Variants in CUL1 observed in about 807,000 individuals in gnomAD.
The protein encoded by CUL1 is cullin-1.
A neutral mutation model predicts 118.0 loss-of-function variants in CUL1; 24 were observed. The observed-to-expected ratio is 0.20, with a 90% CI of 0.15 to 0.29. The LOEUF (loss-of-function observed/expected upper bound fraction) is 0.29. Among genes scored for constraint, CUL1 ranks in the 10% least tolerant of loss-of-function variants. CUL1 has a pLI of 1.00. For synonymous variants in CUL1, 332 were observed against 340.4 expected (o/e 0.98, Z 0.27); for missense variants, 361 against 933.8 (o/e 0.39, Z 7.99).
rs1353798424 is a variant in CUL1, at chr7:148,781,994, G to A, written c.1084-1789G>A. Among the ~76,000 whole-genome samples, 18 of 152,302 alleles carry A rather than the reference G, an allele frequency of 1.2e-4. No homozygotes were observed. The East Asian group carries it at 2.5e-3, about 21-fold the overall frequency. On this transcript the variant is annotated intron_variant, in intron 9 of 21. Coordinates refer to ENST00000325222, the MANE Select transcript of CUL1 (RefSeq NM_003592.3). ...GTGACACGCAGTTCTTTGTAGGGCCGTTAACTTGTTAAGGATCCTGCATGT... is the reference window on the plus strand; with the variant it reads ...GTGACACGCAGTTCTTTGTAGGGCCATTAACTTGTTAAGGATCCTGCATGT...
At chr7:148,758,393 C>T (rs974501513) in intron 4 of CUL1, among the ~76,000 whole-genome samples, 7 of 152,166 alleles carry the variant, frequency 4.6e-5, no homozygotes, top group African/African-American at 1.4e-4. Context: ...TGCAGTGGCT[C>T]ATGCTTGTAA....
chr7:148,701,436 A>C (rs1797718829), intron 1 of CUL1, among the ~76,000 whole-genome samples: 1 of 152,198 alleles, frequency 6.6e-6, no homozygotes, highest in Admixed American at 6.5e-5. Context: ...GAAAGTGCCA[A>C]GAAAACAGGT....
chr7:148,724,358 C>T (rs1798490970), intron 1 of CUL1, among the ~76,000 whole-genome samples: 1 of 152,178 alleles, frequency 6.6e-6, no homozygotes, highest in African/African-American at 2.4e-5. Flanking sequence ...TGCTTTTCTT[C>T]TGTTAGACCT....
At chr7:148,736,340 C>G (rs1242689565) in intron 2 of CUL1, among the ~76,000 whole-genome samples, 1 of 152,166 alleles carries the variant, frequency 6.6e-6, no homozygotes, top group Non-Finnish European at 1.5e-5. Flanking sequence ...GCCCTTTCAC[C>G]TAGGCTGGAG....
chr7:148,722,601 C>T (rs1798432026), intron 1 of CUL1, among the ~76,000 whole-genome samples: 1 of 152,248 alleles, frequency 6.6e-6, no homozygotes, highest in African/African-American at 2.4e-5. Context: ...TTCCTCTCTG[C>T]ACTAGCCATT....
intron 2 of CUL1, among the ~76,000 whole-genome samples, chr7:148,738,122 A>G (rs1799019647): frequency 6.6e-6 from 1 of 152,224 alleles, no homozygotes; most frequent in Admixed American, 6.5e-5. Context: ...TCAAGAATTG[A>G]TTCCCCAGGT....
chr7:148,798,186 G>A (rs1226734542), intron 19 of CUL1, among the ~76,000 whole-genome samples, 167 bp downstream of exon 19: 1 of 152,128 alleles, frequency 6.6e-6, no homozygotes, highest in East Asian at 1.9e-4. Flanking sequence ...CATTCAGCGA[G>A]CCTGATGTTT....
At chr7:148,719,804 T>C (rs991160149) in intron 1 of CUL1, among the ~76,000 whole-genome samples, 3 of 152,224 alleles carry the variant, frequency 2.0e-5, no homozygotes, top group East Asian at 3.8e-4. Context: ...TACGTATTCA[T>C]ATCATGAAGC....
intron 1 of CUL1, among the ~76,000 whole-genome samples, chr7:148,725,219 G>GCGCACGCACACACACACACACA: frequency 2.1e-5 from 3 of 140,060 alleles, no homozygotes; most frequent in African/African-American, 8.5e-5. Flanking sequence ...ACACGCGCGC[G>GCGCACGCACACACACACACACA]CTCACACACA....
chr7:148,768,356 A>G (rs915472861), intron 9 of CUL1, among the ~76,000 whole-genome samples: 8 of 149,588 alleles, frequency 5.3e-5, no homozygotes, highest in South Asian at 2.1e-4. Flanking sequence ...TGTAACTGGG[A>G]GAACAATAGA....
At chr7:148,710,547 C>T (rs1339369508) in intron 1 of CUL1, among the ~76,000 whole-genome samples, 2 of 152,134 alleles carry the variant, frequency 1.3e-5, no homozygotes, top group Non-Finnish European at 2.9e-5. Context: ...CCAGCCTGGG[C>T]GGACAGAGCG....
At chr7:148,732,594 C>T (rs970040696) in intron 2 of CUL1, among the ~76,000 whole-genome samples, 2 of 152,006 alleles carry the variant, frequency 1.3e-5, no homozygotes, top group African/African-American at 4.8e-5. Context: ...CCTGGCTTGG[C>T]CTTCCAAAGG....
chr7:148,761,976 T>A (rs1270912145), intron 7 of CUL1, among the ~76,000 whole-genome samples: 1 of 152,122 alleles, frequency 6.6e-6, no homozygotes, highest in Non-Finnish European at 1.5e-5. Context: ...TCTAATGCCG[T>A]CCCTGATCTG....
chr7:148,733,056 A>C (rs243511), intron 2 of CUL1, among the ~76,000 whole-genome samples: 47,623 of 152,012 alleles, frequency 0.31, 8,189 homozygotes, highest in South Asian at 0.47. Context: ...CTCTGTGGAT[A>C]AGCTCCAGGA....
intron 9 of CUL1, among the ~76,000 whole-genome samples, chr7:148,777,790 G>T (rs569343619): frequency 6.6e-6 from 1 of 151,836 alleles, no homozygotes; most frequent in South Asian, 2.1e-4. Flanking sequence ...TGAAGGTCAG[G>T]CACGGTGGGT....
chr7:148,776,307 CTTTTTTTTTTTT>C (rs746777462), intron 9 of CUL1, among the ~76,000 whole-genome samples: 4 of 40,692 alleles, frequency 9.8e-5, no homozygotes, highest in African/African-American at 3.4e-4. Flanking sequence ...CATAACCAGG[CTTTTTTTTTTTT>C]TTTTTTTTTT....
chr7:148,717,589 G>A (rs1002033892), intron 1 of CUL1, among the ~76,000 whole-genome samples: 3 of 151,496 alleles, frequency 2.0e-5, no homozygotes, highest in African/African-American at 4.9e-5. Context: ...TGTCTTCTCC[G>A]AAACCTTCCA....
intron 7 of CUL1, among the ~76,000 whole-genome samples, chr7:148,765,370 C>A (rs1799971413): frequency 6.6e-6 from 1 of 152,158 alleles, no homozygotes; most frequent in Non-Finnish European, 1.5e-5. Flanking sequence ...GCTGGACAGC[C>A]TATAATCCCA....
At chr7:148,707,642 C>T (rs919077167) in intron 1 of CUL1, among the ~76,000 whole-genome samples, 4 of 151,978 alleles carry the variant, frequency 2.6e-5, no homozygotes, top group African/African-American at 4.8e-5. Flanking sequence ...GTGTTGGTCC[C>T]CACACCTTCC....
Sources: allele counts gnomAD v4.1 joint callset (sites outside exome capture counted in the v4.1 genomes callset), GRCh38; gene constraint gnomAD v4.1.1; transcripts MANE v1.5; gene names NCBI Gene and HGNC (gene_info 2026-07-23, HGNC 2026-07-21).